DOK6: variants seen among roughly 807,000 people sequenced by gnomAD.
The protein encoded by DOK6 is downstream of tyrosine kinase 6.
In DOK6, 22 loss-of-function variants were observed where a neutral mutation model predicts 44.0. The ratio of observed to expected loss-of-function variants is 0.50; its 90% CI spans 0.36 to 0.71. DOK6 has a LOEUF of 0.71. DOK6 is among the 30% of genes least tolerant of loss of function. DOK6 has a pLI of 0.00. For missense variants in DOK6, 340 were observed against 416.4 expected (o/e 0.82, Z 1.60); for synonymous variants, 166 against 145.5 (o/e 1.14, Z -1.01).
At position 69,841,462 on chromosome 18, in the gene DOK6, A is replaced by T. The variant is rs1415523819; in HGVS notation, c.*79A>T. 1.1e-5 allele frequency: 17 copies of T among 1,573,180 alleles called. No individual in the cohort carries two copies. The highest frequency in any genetic ancestry group is 2.7e-5 in the African/African-American group (2 of 74,030). On this transcript the variant is annotated 3_prime_UTR_variant, in exon 8 of 8. Transcript: ENST00000382713. ...GGGGTCATTACCCTCTGCCTCCTGG[A>T]AGACCAATTGCAGTACAAATTGAAA...
intron 5 of DOK6, among the ~76,000 whole-genome samples, chr18:69,730,432 G>T (rs1023241976): frequency 6.6e-6 from 1 of 152,208 alleles, no homozygotes; most frequent in Non-Finnish European, 1.5e-5. Context: ...ACTAGAATTT[G>T]TTAGTATGAA....
chr18:69,736,815 C>T (rs929102567), intron 5 of DOK6, among the ~76,000 whole-genome samples: 1 of 152,202 alleles, frequency 6.6e-6, no homozygotes, highest in African/African-American at 2.4e-5. Flanking sequence ...CATGTGTCAT[C>T]TCCCACTCAT....
intron 1 of DOK6, among the ~76,000 whole-genome samples, chr18:69,428,589 T>C (rs1055758270): frequency 6.6e-5 from 10 of 152,070 alleles, no homozygotes; most frequent in Admixed American, 5.2e-4. Context: ...CATGAAAAAT[T>C]ACTAAGTTAT....
chr18:69,758,405 T>C (rs1282408354), intron 7 of DOK6, among the ~76,000 whole-genome samples: 1 of 152,162 alleles, frequency 6.6e-6, no homozygotes, highest in African/African-American at 2.4e-5. Context: ...GCCTTTGTAC[T>C]TTTTCTAATG....
intron 3 of DOK6, among the ~76,000 whole-genome samples, chr18:69,608,533 TAAAA>T (rs751227490): frequency 6.6e-6 from 1 of 152,138 alleles, no homozygotes; most frequent in Admixed American, 6.6e-5. Flanking sequence ...TTTATTTTTG[TAAAA>T]AAAGTCATTG....
chr18:69,527,841 A>T (rs1981872356), intron 1 of DOK6, among the ~76,000 whole-genome samples: 1 of 152,178 alleles, frequency 6.6e-6, no homozygotes, highest in African/African-American at 2.4e-5. Context: ...AAACCTAGTT[A>T]TAATCATAAA....
intron 7 of DOK6, among the ~76,000 whole-genome samples, chr18:69,790,975 CAT>C (rs1318482975): frequency 6.7e-6 from 1 of 149,646 alleles, no homozygotes; most frequent in African/African-American, 2.5e-5. Context: ...TCTCTATCTC[CAT>C]GAGGTCAATT....
chr18:69,699,658 T>A (rs1986467580), intron 5 of DOK6, among the ~76,000 whole-genome samples: 1 of 152,194 alleles, frequency 6.6e-6, no homozygotes, highest in Non-Finnish European at 1.5e-5. Flanking sequence ...TGCAATAGTG[T>A]AATCACATTC....
intron 3 of DOK6, among the ~76,000 whole-genome samples, chr18:69,629,454 A>G (rs1271050837): frequency 6.6e-6 from 1 of 152,208 alleles, no homozygotes; most frequent in African/African-American, 2.4e-5. Flanking sequence ...GCATTCTGAC[A>G]GGCTCTTTTG....
At chr18:69,535,894 T>A (rs1301222624) in intron 1 of DOK6, among the ~76,000 whole-genome samples, 2 of 152,078 alleles carry the variant, frequency 1.3e-5, no homozygotes, top group African/African-American at 2.4e-5. Flanking sequence ...GTAACAAGTA[T>A]AACTTCCTAA....
rs1309538904 is a variant in DOK6, at chr18:69,847,330, C to A, written c.*5947C>A. 1 of 152,116 alleles carries A rather than the reference C, an allele frequency of 6.6e-6. No homozygotes were observed. The highest frequency in any genetic ancestry group is 1.9e-4 in the East Asian group (1 of 5,186). The allele number at this position is 152,116 out of a possible 1,614,324, so 9.4% of individuals were successfully genotyped here. Reference sequence around the variant, plus strand: ...ATAAAATCAACCCTTTCTGTCAGCACAGAATTGAACATCGAATGGAGCAAG... The same window carrying A: ...ATAAAATCAACCCTTTCTGTCAGCAAAGAATTGAACATCGAATGGAGCAAG... On this transcript the variant is annotated 3_prime_UTR_variant, in exon 8 of 8. Transcript: ENST00000382713.
rs895674586 is a variant in DOK6 at position 69,509,586 on chromosome 18, C to T, written c.67-54901C>T. Among the ~76,000 whole-genome samples, 9 of 135,870 alleles carry T rather than the reference C, an allele frequency of 6.6e-5. No individual in the cohort carries two copies. In the East Asian group the frequency reaches 6.7e-4, roughly 10 times the overall value. The allele number at this position is 135,870 out of a possible 152,430, so 89.1% of individuals were successfully genotyped here. A position where few individuals can be genotyped will look rare whatever the true frequency, so the allele number is the denominator to read the frequency against. ...CCGGGAGGTGGAGCTTGCAGTGAGC[C>T]GAGATCGCGCCGCTGCACTCCAGCC... On this transcript the variant is annotated intron_variant, in intron 1 of 7. Transcript: ENST00000382713.
intron 5 of DOK6, chr18:69,705,212 T>C (rs1187457156): frequency 6.6e-6 from 1 of 152,228 alleles, no homozygotes; most frequent in East Asian, 1.9e-4. Context: ...GAAGTTGTAG[T>C]AGAGATCTGA....
chr18:69,759,046 A>G (rs960548487), intron 7 of DOK6, among the ~76,000 whole-genome samples: 1 of 152,092 alleles, frequency 6.6e-6, no homozygotes, highest in African/African-American at 2.4e-5. Flanking sequence ...ATTACATTTT[A>G]TATTGTAAAG....
intron 3 of DOK6, among the ~76,000 whole-genome samples, chr18:69,622,990 C>T (rs1288744205): frequency 6.6e-6 from 1 of 152,162 alleles, no homozygotes; most frequent in African/African-American, 2.4e-5. Context: ...TGGGTCCCCA[C>T]CCAAATCTCA....
intron 4 of DOK6, among the ~76,000 whole-genome samples, chr18:69,691,575 G>A (rs1225819355): frequency 6.6e-6 from 1 of 152,154 alleles, no homozygotes; most frequent in Non-Finnish European, 1.5e-5. Context: ...GGGAAGTAGT[G>A]GTTTCAGTTT....
chr18:69,721,886 T>C (rs1722131209), intron 5 of DOK6, among the ~76,000 whole-genome samples: 2 of 152,230 alleles, frequency 1.3e-5, no homozygotes, highest in Admixed American at 1.3e-4. Flanking sequence ...ATTGAAAGTT[T>C]ATTCTCCGTA....
intron 1 of DOK6, among the ~76,000 whole-genome samples, chr18:69,556,479 T>A (rs867730524): frequency 1.3e-5 from 2 of 152,050 alleles, no homozygotes; most frequent in African/African-American, 4.8e-5. Context: ...CAAAAAAAAA[T>A]TAAAATAAAA....
intron 1 of DOK6, among the ~76,000 whole-genome samples, chr18:69,528,744 G>C (rs1981904521): frequency 6.6e-6 from 1 of 152,150 alleles, no homozygotes; most frequent in African/African-American, 2.4e-5. Context: ...CTTCAGCACA[G>C]TCATGTCATA....
Sources: gnomAD v4.1 joint callset for allele counts (sites outside exome capture counted in the v4.1 genomes callset) on GRCh38, gnomAD v4.1.1 for gene constraint, MANE v1.5 for transcripts, NCBI Gene and HGNC (gene_info 2026-07-23, HGNC 2026-07-21) for gene names.